The following TF variants were observed in gnomAD, a reference collection of about 807,000 sequenced individuals.
The protein encoded by TF is transferrin.
Under a neutral mutation model 82.4 loss-of-function variants are expected in TF, and 55 were observed. The ratio of observed to expected loss-of-function variants is 0.67; its 90% CI spans 0.54 to 0.84. The LOEUF is 0.84. Among genes scored for constraint, TF ranks in the 40% least tolerant of loss-of-function variants. The pLI is 0.00. For missense variants in TF, 737 were observed against 868.4 expected, an observed-to-expected ratio of 0.85 and a Z score of 1.90; for synonymous variants, 332 against 332.6, an observed-to-expected ratio of 1.00 and a Z score of 0.02.
intron 3 of TF, chr3:133,754,172 C>T: frequency 4.6e-6 from 2 of 434,536 alleles, no homozygotes; most frequent in Non-Finnish European, 8.5e-6. Context: ...TCTGTTACCA[C>T]AGCTCCAGTT....
the TF span, among the ~76,000 whole-genome samples, chr3:133,716,117 A>G: frequency 6.6e-6 from 1 of 151,268 alleles, no homozygotes; most frequent in South Asian, 2.1e-4. Context: ...CCACTTCCCC[A>G]GCCTCTACAT....
chr3:133,725,187 G>A, the TF span, among the ~76,000 whole-genome samples: 1 of 151,910 alleles, frequency 6.6e-6, no homozygotes, highest in Admixed American at 6.6e-5. Flanking sequence ...TTCCAATTCT[G>A]TGAAGAAAGT....
chr3:133,733,102 G>GA, the TF span, among the ~76,000 whole-genome samples: 1 of 152,228 alleles, frequency 6.6e-6, no homozygotes, highest in East Asian at 1.9e-4. Flanking sequence ...TCAGATCTAG[G>GA]AATAAACCCC....
At chr3:133,713,182 G>C in the TF span, among the ~76,000 whole-genome samples, 1 of 152,200 alleles carries the variant, frequency 6.6e-6, no homozygotes, top group African/African-American at 2.4e-5. Context: ...CACTTGGCTG[G>C]TAAGTATATT....
In TF at chr3:133,784,426, T is replaced by C. The variant is rs140441982; in HGVS notation, c.*5806T>C. On this transcript the variant is annotated 3_prime_UTR_variant, in exon 17 of 17. Coordinates refer to ENST00000402696, the MANE Select transcript of TF (RefSeq NM_001063.4). ...GGTGTAAAGAGGTTGTGACTTATGATAGAGTTAGAAAATCACACATCTTGT... is the reference window on the plus strand; with the variant it reads ...GGTGTAAAGAGGTTGTGACTTATGACAGAGTTAGAAAATCACACATCTTGT... 15 of 147,058 alleles carry C rather than the reference T, an allele frequency of 1.0e-4. No homozygotes were observed. In the East Asian group the frequency reaches 2.8e-3, roughly 27 times the overall value. 9.1% of individuals were successfully genotyped at this position (147,058 alleles called of 1,614,324 possible). A position where few individuals can be genotyped will look rare whatever the true frequency, so the allele number is the denominator to read the frequency against.
In TF at chr3:133,748,585, G is replaced by GT; in HGVS notation, c.216+2dup. On this transcript the variant is annotated splice_donor_variant, in intron 2 of 16. Transcript: ENST00000402696. LOFTEE classifies it high-confidence loss of function. ...CCTTGATTGCATCAGGGCCATTGCGGTAAGTCGCTGCTGCCTAAAAGAGAG... is the reference window on the plus strand; with the variant it reads ...CCTTGATTGCATCAGGGCCATTGCGGTTAAGTCGCTGCTGCCTAAAAGAGAG... 1 of 1,614,050 alleles carries GT rather than the reference G, an allele frequency of 6.2e-7. No homozygotes were observed. Among genetic ancestry groups the GT allele is most frequent in the Non-Finnish European group, 8.5e-7 (1 of 1,179,984 alleles).
the TF span, among the ~76,000 whole-genome samples, chr3:133,693,789 G>C: frequency 3.9e-5 from 6 of 152,228 alleles, no homozygotes; most frequent in African/African-American, 1.4e-4. Context: ...AGGACTATTT[G>C]GGTTTGGCTG....
intron 15 of TF, among the ~76,000 whole-genome samples, chr3:133,775,929 T>C (rs947161589): frequency 1.4e-4 from 22 of 152,310 alleles, no homozygotes; most frequent in African/African-American, 2.9e-4. Context: ...AGTGAAGACA[T>C]GCACCCAAAC....
chr3:133,760,401 C>T (rs1933965278), intron 9 of TF: 1 of 152,462 alleles, frequency 6.6e-6, no homozygotes, highest in African/African-American at 2.4e-5. Context: ...TCACTTTATG[C>T]TATTTTAACA....
the TF span, among the ~76,000 whole-genome samples, chr3:133,728,196 G>A: frequency 1.3e-5 from 2 of 152,020 alleles, no homozygotes; most frequent in Non-Finnish European, 2.9e-5. Context: ...TCTGAATGTT[G>A]GCCTGCCTTG....
chr3:133,781,422 A>G lies in TF; in HGVS notation c.*2802A>G, dbSNP rs2107939557. The G allele has an allele frequency of 6.6e-6, 1 of 152,248 alleles. No homozygotes were observed. The highest frequency in any genetic ancestry group is 1.9e-4 in the East Asian group (1 of 5,190). 9.4% of individuals were successfully genotyped at this position (152,248 alleles called of 1,614,324 possible). A position where few individuals can be genotyped will look rare whatever the true frequency, so the allele number is the denominator to read the frequency against. On this transcript the variant is annotated 3_prime_UTR_variant, in exon 17 of 17. Coordinates refer to ENST00000402696, the MANE Select transcript of TF (RefSeq NM_001063.4). ...AAAATAAAAAATAACTTTCTTTTAT[A>G]CAAATAATAGTGAGTTAGGACAATA...
In TF at chr3:133,795,450, C is replaced by T. The variant is rs1184125812; in HGVS notation, c.*16830C>T. On this transcript the variant is annotated 3_prime_UTR_variant, in exon 17 of 17. Coordinates refer to ENST00000402696, the MANE Select transcript of TF (RefSeq NM_001063.4). ...AATTGCAGCCATGAGGACACTGTAA[C>T]CTACGAATGATGTGCTGAGTCCAAA... 6.6e-6 allele frequency: 1 copy of T among 152,056 alleles called. No individual in the cohort carries two copies. The highest frequency in any genetic ancestry group is 6.6e-5 in the Admixed American group (1 of 15,266). 9.4% of individuals were successfully genotyped at this position (152,056 alleles called of 1,614,324 possible). A position where few individuals can be genotyped will look rare whatever the true frequency, so the allele number is the denominator to read the frequency against.
chr3:133,699,400 T>A, the TF span: 1 of 1,006,028 alleles, frequency 9.9e-7, no homozygotes, highest in Non-Finnish European at 1.4e-6. Flanking sequence ...TAACTATGGC[T>A]CATGGCTCTC....
the TF span, among the ~76,000 whole-genome samples, chr3:133,671,878 G>A: frequency 6.6e-6 from 1 of 151,104 alleles, no homozygotes; most frequent in Non-Finnish European, 1.5e-5. Context: ...AAAATTCAAA[G>A]TCAACAGAGC....
the TF span, among the ~76,000 whole-genome samples, chr3:133,729,094 G>A: frequency 6.6e-6 from 1 of 152,166 alleles, no homozygotes; most frequent in Non-Finnish European, 1.5e-5. Context: ...TAGGCTGCTT[G>A]GGGGTCAGGG....
At chr3:133,743,495 C>T (rs1025231623), upstream of TF, among the ~76,000 whole-genome samples, 4 of 152,086 alleles carry the variant, frequency 2.6e-5, no homozygotes, top group Admixed American at 1.3e-4. Context: ...CTGGGAGAGG[C>T]AGTGTCCCTG....
chr3:133,757,064 G>A, intron 7 of TF, 55 bp downstream of exon 7: 1 of 1,610,894 alleles, frequency 6.2e-7, no homozygotes, highest in South Asian at 1.1e-5. Context: ...TTGGATTTGG[G>A]GGTTTTCCTC....
At chr3:133,771,605 T>C (rs989056064) in intron 14 of TF, among the ~76,000 whole-genome samples, 5 of 151,232 alleles carry the variant, frequency 3.3e-5, no homozygotes, top group East Asian at 1.9e-4. Flanking sequence ...GGCGCGGTGG[T>C]GGGCGCCTGT....
rs1426671771 is a variant in TF at position 133,783,299 on chromosome 3, GC to G, written c.*4680del. On this transcript the variant is annotated 3_prime_UTR_variant, in exon 17 of 17. Transcript: ENST00000402696. Reference sequence around the variant, plus strand: ...AGAATAAAAGTTCCAGATATTAAATGCAAATGAGAATTTATTACATGATAAA... The same window carrying G: ...AGAATAAAAGTTCCAGATATTAAATGAAATGAGAATTTATTACATGATAAA... The G allele has an allele frequency of 6.6e-6, 1 of 152,140 alleles. No individual in the cohort carries two copies. Among genetic ancestry groups the G allele is most frequent in the Non-Finnish European group, 1.5e-5 (1 of 68,016 alleles). 9.4% of individuals were successfully genotyped at this position (152,140 alleles called of 1,614,324 possible).
Sources: gnomAD v4.1 joint callset for allele counts (sites outside exome capture counted in the v4.1 genomes callset) on GRCh38, gnomAD v4.1.1 for gene constraint, MANE v1.5 for transcripts, NCBI Gene and HGNC (gene_info 2026-07-23, HGNC 2026-07-21) for gene names.